The following CFAP43 variants were observed in gnomAD, a reference collection of about 807,000 sequenced individuals.
CFAP43 encodes the protein cilia and flagella associated protein 43.
A neutral mutation model predicts 218.9 loss-of-function variants in CFAP43; 155 were observed. The observed-to-expected ratio is 0.71, with a 90% CI of 0.62 to 0.81. The LOEUF is 0.81. Ranked by LOEUF, CFAP43 falls within the 30% of genes least tolerant of loss-of-function variation. The pLI is 0.00. For synonymous variants in CFAP43, 645 were observed against 681.3 expected (o/e 0.95, Z 0.83); for missense variants, 1,778 against 1,954.3 (o/e 0.91, Z 1.70).
chr10:104,215,400 C>A (rs1408046614), intron 3 of CFAP43, among the ~76,000 whole-genome samples: 1 of 152,154 alleles, frequency 6.6e-6, no homozygotes, highest in African/African-American at 2.4e-5. Context: ...CTGCCCTCAT[C>A]CTTCATTCCC....
chr10:104,196,233 CAT>C (rs984793335), intron 10 of CFAP43, among the ~76,000 whole-genome samples: 2 of 152,220 alleles, frequency 1.3e-5, no homozygotes, highest in Non-Finnish European at 2.9e-5. Context: ...TTGAGGCACA[CAT>C]GAGGCCAGAC....
At chr10:104,190,157 A>G (rs1382189841) in intron 12 of CFAP43, among the ~76,000 whole-genome samples, 1 of 149,858 alleles carries the variant, frequency 6.7e-6, no homozygotes, top group African/African-American at 2.5e-5. Flanking sequence ...AAAAAAAAAA[A>G]AAGGAAACAA....
intron 37 of CFAP43, among the ~76,000 whole-genome samples, chr10:104,131,017 A>AG (rs1554854779): frequency 4.0e-5 from 6 of 150,030 alleles, no homozygotes; most frequent in Admixed American, 2.6e-4. Flanking sequence ...AAAAAAAAAA[A>AG]AAAAGAAAAG....
intron 27 of CFAP43, among the ~76,000 whole-genome samples, chr10:104,157,736 A>ATG (rs71485761): frequency 0.025 from 2,693 of 106,716 alleles, 48 homozygotes; most frequent in African/African-American, 0.048. Context: ...AGCTAACTGG[A>ATG]TGTGTGTGTG....
chr10:104,157,791 A>T (rs934541439), intron 27 of CFAP43, among the ~76,000 whole-genome samples: 2,314 of 148,268 alleles, frequency 0.016, 19 homozygotes, highest in Admixed American at 0.029. Context: ...AGAGAGAGAG[A>T]GAGAGAGAGA....
intron 8 of CFAP43, chr10:104,203,462 C>T (rs979587679): frequency 4.2e-6 from 2 of 472,286 alleles, no homozygotes; most frequent in Non-Finnish European, 7.3e-6. Context: ...TTCAGATTCA[C>T]TCCTTGCCCT....
At chr10:104,231,433 T>C (rs985289878) in intron 1 of CFAP43, among the ~76,000 whole-genome samples, 2 of 152,086 alleles carry the variant, frequency 1.3e-5, no homozygotes, top group Non-Finnish European at 2.9e-5. Context: ...AAAAAGAACA[T>C]ACTCTCAAGT....
intron 17 of CFAP43, among the ~76,000 whole-genome samples, chr10:104,180,637 G>C (rs926857271): frequency 6.6e-6 from 1 of 151,896 alleles, no homozygotes; most frequent in Non-Finnish European, 1.5e-5. Context: ...AGTAGAGACA[G>C]GGTTTCACCA....
At chr10:104,230,192 C>T (rs1004487085) in intron 2 of CFAP43, among the ~76,000 whole-genome samples, 3 of 151,932 alleles carry the variant, frequency 2.0e-5, no homozygotes, top group Non-Finnish European at 4.4e-5. Context: ...TGGGGCCAGG[C>T]GTGGTGGCTC....
intron 27 of CFAP43, among the ~76,000 whole-genome samples, chr10:104,153,971 G>A (rs2088410973): frequency 6.6e-6 from 1 of 152,094 alleles, no homozygotes; most frequent in Non-Finnish European, 1.5e-5. Flanking sequence ...ATTTTTAGCA[G>A]GAACACTATG....
intron 19 of CFAP43, among the ~76,000 whole-genome samples, chr10:104,177,247 A>T (rs145645574): frequency 6.6e-6 from 1 of 152,230 alleles, no homozygotes; most frequent in African/African-American, 2.4e-5. Context: ...AAAAAAAAAG[A>T]TTTGGCAGAG....
At chr10:104,130,333 G>C in intron 37 of CFAP43, 28 bp from the exon 38 acceptor site, 1 of 1,588,490 alleles carries the variant, frequency 6.3e-7, no homozygotes. Context: ...AAAGGAATTC[G>C]ATTATTTATC....
intron 20 of CFAP43, among the ~76,000 whole-genome samples, chr10:104,169,358 T>G (rs2089312404): frequency 1.3e-5 from 2 of 152,100 alleles, no homozygotes; most frequent in Admixed American, 6.6e-5. Context: ...TGTCTGGGAG[T>G]CTTTACTGTA....
At chr10:104,212,233 A>G in intron 4 of CFAP43, 76 bp from the exon 5 acceptor site, 1 of 1,444,388 alleles carries the variant, frequency 6.9e-7, no homozygotes, top group Non-Finnish European at 9.4e-7. Context: ...ATATCAGTTT[A>G]AGTGAGGTGG....
At position 104,147,940 on chromosome 10, in the gene CFAP43, G is replaced by T. The variant is rs773389340; in HGVS notation, c.3719C>A (p.Ser1240Tyr). 6.2e-7 allele frequency: 1 copy of T among 1,602,130 alleles called. No individual in the cohort carries two copies. The highest frequency in any genetic ancestry group is 1.7e-5 in the Admixed American group (1 of 58,594). The change falls in exon 29 of 38, where the codon TCT (serine) becomes TAT (tyrosine). Residue 1240 changes from serine to tyrosine, a missense_variant. By Grantham distance (144) the Ser-to-Tyr change is moderately radical. Coordinates refer to ENST00000357060, the MANE Select transcript of CFAP43 (RefSeq NM_025145.7). Reference protein sequence around the residue: ...FSLLLDEELSSREKFLNNYLT... With the variant: ...FSLLLDEELSYREKFLNNYLT... ...GTAGTTGTTCAGGAATTTTTCTCTA[G>T]AGCTTAATTCTTCATCCAACAATAA...
chr10:104,230,871 T>C lies in CFAP43; in HGVS notation c.66-28A>G, dbSNP rs756646891. The C allele has an allele frequency of 3.2e-6, 5 of 1,553,536 alleles. No homozygotes were observed. In the South Asian group the frequency reaches 3.7e-5, roughly 12 times the overall value. ...TTGGGAAAAGATATGTCAACATCAA[T>C]ATAATACATTTCAAATACTTTTTTT... On this transcript the variant is annotated intron_variant, in intron 1 of 37. Transcript: ENST00000357060.
chr10:104,157,575 T>C (rs1466869777), intron 27 of CFAP43, among the ~76,000 whole-genome samples: 1 of 152,012 alleles, frequency 6.6e-6, no homozygotes, highest in Non-Finnish European at 1.5e-5. Flanking sequence ...TTGATAGAGG[T>C]ATTTTATGTA....
chr10:104,167,705 G>C lies in CFAP43; in HGVS notation c.2724C>G (p.Phe908Leu). 6.2e-7 allele frequency: 1 copy of C among 1,610,218 alleles called. No homozygotes were observed. Among genetic ancestry groups the C allele is most frequent in the African/African-American group, 1.3e-5 (1 of 74,774 alleles). ...CTTCAACCGTGCGCGCTTTCATCGG[G>C]AAGTTTTCAACCACACAGGGGATAT... ...CFHIPCVVEN[F>L]PMKARTVEEL... Residue 908 changes from phenylalanine to leucine, a missense_variant, in exon 22 of 38, where the codon TTC becomes TTG. This residue lies in a region of CFAP43 where 1,553 missense variants were observed against 1,685.2 expected (regional missense o/e 0.92). Transcript: ENST00000357060.
At position 104,161,061 on chromosome 10, in the gene CFAP43, A is replaced by G; in HGVS notation, c.3516T>C (p.Asn1172=). 6.2e-7 allele frequency: 1 copy of G among 1,610,586 alleles called. No individual in the cohort carries two copies. The highest frequency in any genetic ancestry group is 8.5e-7 in the Non-Finnish European group (1 of 1,177,218). ...CCTTTCTATACTTATCTCTTTCTTCATTTAACTCCTTTACTTTTTTCTCAT... is the reference window on the plus strand; with the variant it reads ...CCTTTCTATACTTATCTCTTTCTTCGTTTAACTCCTTTACTTTTTTCTCAT... The part of the protein sequence containing the change: ...KDYEKKVKEL[N]EERDKYRKSL... Residue 1172 remains asparagine (N), a synonymous_variant, in exon 27 of 38, where the codon AAT becomes AAC. Coordinates refer to ENST00000357060, the MANE Select transcript of CFAP43 (RefSeq NM_025145.7).
Sources: gnomAD v4.1 joint callset for allele counts (sites outside exome capture counted in the v4.1 genomes callset) on GRCh38, gnomAD v4.1.1 for gene constraint, gnomAD v4.1.1 regional missense constraint, MANE v1.5 for transcripts, NCBI Gene and HGNC (gene_info 2026-07-23, HGNC 2026-07-21) for gene names.